CHN1: variants seen among roughly 807,000 people sequenced by gnomAD.
CHN1 encodes N-chimaerin.
CHN1 carries 37 observed loss-of-function variants against 59.5 expected under a neutral mutation model. That is an observed-to-expected ratio of 0.62 (90% CI 0.48 to 0.82). The LOEUF is 0.82. Ranked by LOEUF, CHN1 falls within the 40% of genes least tolerant of loss-of-function variation. The pLI, the probability that CHN1 is intolerant of heterozygous loss-of-function variation, is 0.00. For synonymous variants in CHN1, 206 were observed against 200.4 expected (o/e 1.03, Z -0.24); for missense variants, 469 against 571.0 (o/e 0.82, Z 1.82).
At chr2:174,947,267 G>A (rs1689867909) in intron 2 of CHN1, among the ~76,000 whole-genome samples, 1 of 152,064 alleles carries the variant, frequency 6.6e-6, no homozygotes. Flanking sequence ...ATTGATGTGG[G>A]TTTCAAATTT....
chr2:174,929,632 T>TA lies in CHN1; in HGVS notation c.115-11068dup, dbSNP rs1313717721. On this transcript the variant is annotated intron_variant, in intron 3 of 12. Coordinates refer to ENST00000409900, the MANE Select transcript of CHN1 (RefSeq NM_001822.7). ...ACCCTTTGCGAAAAACTCAGCTTCT[T>TA]AAGATTAGTTTTTTGGTTTTCAGTT... 3.9e-5 allele frequency among the ~76,000 whole-genome samples: 6 copies of TA among 152,240 alleles called. No homozygotes were observed. The East Asian group carries it at 1.2e-3, about 29-fold the overall frequency.
At position 174,843,004 on chromosome 2, in the gene CHN1, C is replaced by T. The variant is rs181440390; in HGVS notation, c.627+3876G>A. ...ATTAAACTCATATTTTTAGTATCTA[C>T]TCCCTATAATTCTTAATGTTGTTTT... On this transcript the variant is annotated intron_variant, in intron 7 of 12. Transcript: ENST00000409900. 5.1e-4 allele frequency among the ~76,000 whole-genome samples: 77 copies of T among 152,264 alleles called. 1 individual carries two copies. Among genetic ancestry groups the T allele is most frequent in the Middle Eastern group, 6.8e-3 (2 of 294 alleles).
intron 1 of CHN1, among the ~76,000 whole-genome samples, chr2:174,969,933 A>C (rs529993785): frequency 2.0e-5 from 3 of 152,256 alleles, no homozygotes; most frequent in Admixed American, 1.3e-4. Flanking sequence ...AAACTATTTT[A>C]ATAGTAATCT....
At chr2:174,974,096 G>A (rs762338018) in intron 1 of CHN1, among the ~76,000 whole-genome samples, 6 of 152,020 alleles carry the variant, frequency 3.9e-5, no homozygotes, top group Non-Finnish European at 7.4e-5. Flanking sequence ...AAAATACCGT[G>A]ACAATGCCAA....
At position 174,832,461 on chromosome 2, in the gene CHN1, A is replaced by T. The variant is rs181433742; in HGVS notation, c.628-7943T>A. The stretch of plus-strand genomic sequence containing the variant: ...AGCATTTAATGATATAAATTTCCTG[A>T]TAAGTACTACTTTAGCCACATTCTA... On this transcript the variant is annotated intron_variant, in intron 7 of 12. Transcript: ENST00000409900. 1.6e-4 allele frequency among the ~76,000 whole-genome samples: 24 copies of T among 152,128 alleles called. No homozygotes were observed. In the East Asian group the frequency reaches 3.5e-3, roughly 22 times the overall value.
chr2:174,967,113 G>A (rs938222807), intron 1 of CHN1, among the ~76,000 whole-genome samples: 1 of 152,130 alleles, frequency 6.6e-6, no homozygotes, highest in Non-Finnish European at 1.5e-5. Flanking sequence ...GGGAGGCTGA[G>A]GCAGCGGATC....
chr2:174,925,319 C>T (rs1689137758), intron 3 of CHN1, among the ~76,000 whole-genome samples: 1 of 152,180 alleles, frequency 6.6e-6, no homozygotes, highest in Admixed American at 6.5e-5. Context: ...ATACCAAATT[C>T]CAATCCAACT....
chr2:174,875,055 G>A (rs1267287812), intron 6 of CHN1, among the ~76,000 whole-genome samples: 1 of 151,720 alleles, frequency 6.6e-6, no homozygotes, highest in Non-Finnish European at 1.5e-5. Flanking sequence ...TGTATTTTTA[G>A]TAGAGACGAG....
intron 5 of CHN1, among the ~76,000 whole-genome samples, chr2:174,883,654 T>G (rs1687804888): frequency 1.3e-5 from 2 of 152,014 alleles, no homozygotes. Flanking sequence ...AGACAAAGAC[T>G]ATGATAAACA....
At chr2:174,821,891 T>C (rs925205063) in intron 8 of CHN1, 11 of 273,598 alleles carry the variant, frequency 4.0e-5, no homozygotes, top group African/African-American at 2.3e-4. Flanking sequence ...ATCTGCAACA[T>C]TCTTCGTGCC....
intron 8 of CHN1, among the ~76,000 whole-genome samples, chr2:174,813,296 G>C (rs1172610347): frequency 6.6e-6 from 1 of 152,164 alleles, no homozygotes; most frequent in East Asian, 1.9e-4. Context: ...AATTACAAAG[G>C]ATATAGCTGA....
intron 3 of CHN1, among the ~76,000 whole-genome samples, chr2:174,935,130 A>T (rs1158119209): frequency 6.6e-6 from 1 of 151,776 alleles, no homozygotes; most frequent in Non-Finnish European, 1.5e-5. Flanking sequence ...ATCTTTTACC[A>T]CTCTCCCACA....
intron 6 of CHN1, among the ~76,000 whole-genome samples, chr2:174,859,132 G>A (rs1686995004): frequency 6.6e-6 from 1 of 152,026 alleles, no homozygotes; most frequent in Admixed American, 6.6e-5. Flanking sequence ...TTACTACCTT[G>A]TCCACTAAAA....
chr2:174,918,624 C>G, intron 3 of CHN1, 59 bp from the exon 4 acceptor site: 1 of 1,382,486 alleles, frequency 7.2e-7, no homozygotes, highest in Non-Finnish European at 1.0e-6. Flanking sequence ...CAGAACATAA[C>G]TCAACATTTT....
At chr2:174,831,985 T>G (rs1035595326) in intron 7 of CHN1, among the ~76,000 whole-genome samples, 2 of 152,156 alleles carry the variant, frequency 1.3e-5, no homozygotes, top group Admixed American at 6.5e-5. Context: ...ACATTATAGA[T>G]AGGTAACTGA....
intron 5 of CHN1, among the ~76,000 whole-genome samples, chr2:174,888,434 T>A (rs1687953102): frequency 6.6e-6 from 1 of 152,142 alleles, no homozygotes; most frequent in Non-Finnish European, 1.5e-5. Context: ...GGGGATAACA[T>A]GAAGCATTCA....
At chr2:174,990,406 G>A (rs1267705695) in intron 1 of CHN1, among the ~76,000 whole-genome samples, 2 of 152,048 alleles carry the variant, frequency 1.3e-5, no homozygotes, top group African/African-American at 4.8e-5. Context: ...GAGCTCCTCT[G>A]TCTGGAGAGA....
chr2:174,918,670 G>T, intron 3 of CHN1, 105 bp from the exon 4 acceptor site: 1 of 940,160 alleles, frequency 1.1e-6, no homozygotes, highest in Non-Finnish European at 1.6e-6. Context: ...ATTAAAAAAA[G>T]AATTCAAATA....
chr2:174,977,605 A>C (rs1690989805), intron 1 of CHN1, among the ~76,000 whole-genome samples: 1 of 152,238 alleles, frequency 6.6e-6, no homozygotes, highest in African/African-American at 2.4e-5. Context: ...TATTTCACAA[A>C]TACAGAATTC....
Sources: gnomAD v4.1 joint callset for allele counts (sites outside exome capture counted in the v4.1 genomes callset) on GRCh38, gnomAD v4.1.1 for gene constraint, MANE v1.5 for transcripts, NCBI Gene and HGNC (gene_info 2026-07-23, HGNC 2026-07-21) for gene names.